Variants in MACF1 observed in about 807,000 individuals in gnomAD.
MACF1 encodes microtubule actin crosslinking factor 1, also known as microtubule-actin cross-linking factor 1.
In MACF1, 193 loss-of-function variants were observed where a neutral mutation model predicts 854.8. That is an observed-to-expected ratio of 0.23 (90% confidence interval 0.20 to 0.25). The LOEUF (loss-of-function observed/expected upper bound fraction) is 0.25. Among genes scored for constraint, MACF1 ranks in the 10% least tolerant of loss-of-function variants. The pLI is 1.00. For missense variants in MACF1, 7,722 were observed against 8,929.1 expected, an observed-to-expected ratio of 0.86 and a Z score of 5.45; for synonymous variants, 3,185 against 3,226.7, an observed-to-expected ratio of 0.99 and a Z score of 0.44.
At chr1:39,123,203 ATTT>A (rs10585991) in intron 2 of MACF1, among the ~76,000 whole-genome samples, 14 of 111,920 alleles carry the variant, frequency 1.3e-4, no homozygotes, top group African/African-American at 4.9e-4. Flanking sequence ...ATATATATAA[ATTT>A]TTTTTTTTTT....
chr1:39,333,955 G>A lies in MACF1; in HGVS notation c.7367G>A (p.Arg2456Lys). 6.2e-7 allele frequency: 1 copy of A among 1,614,170 alleles called. No individual in the cohort carries two copies. Among genetic ancestry groups the A allele is most frequent in the Non-Finnish European group, 8.5e-7 (1 of 1,180,030 alleles). ...GGTAGAGATGCTGAAAAAACAGTTAGGGAGAGATTAATTAGTTTACAAATG... is the reference window on the plus strand; with the variant it reads ...GGTAGAGATGCTGAAAAAACAGTTAAGGAGAGATTAATTAGTTTACAAATG... Reference protein sequence around the residue: ...SKGRDAEKTVRERLISLQMET... With the variant: ...SKGRDAEKTVKERLISLQMET... Residue 2456 changes from arginine to lysine, a missense_variant, in exon 37 of 101, where the codon AGG becomes AAG. Arg to Lys is a conservative substitution (Grantham distance 26). Transcript: ENST00000564288.
At chr1:39,405,557 G>T (rs375310080) in intron 58 of MACF1, among the ~76,000 whole-genome samples, 11 of 152,344 alleles carry the variant, frequency 7.2e-5, no homozygotes, top group Admixed American at 3.9e-4. Context: ...AACTTGGAAA[G>T]GGAGCTATGT....
upstream of MACF1, among the ~76,000 whole-genome samples, chr1:39,203,794 CA>C (rs576589778): frequency 1.2e-3 from 185 of 152,204 alleles, no homozygotes; most frequent in Admixed American, 2.6e-3. Flanking sequence ...TATTTTATTG[CA>C]GAATAGGTAG....
chr1:39,484,751 C>G (rs932565820), intron 100 of MACF1, 21 bp downstream of exon 100: 1 of 1,614,142 alleles, frequency 6.2e-7, no homozygotes, highest in Non-Finnish European at 8.5e-7. Flanking sequence ...GCCCCGTGAC[C>G]TACAAGCCAG....
At chr1:39,346,101 C>T (rs1463358638) in intron 40 of MACF1, among the ~76,000 whole-genome samples, 2 of 150,088 alleles carry the variant, frequency 1.3e-5, no homozygotes, top group African/African-American at 2.5e-5. Context: ...TGGTGGCTCA[C>T]GCCTGTAATC....
At position 39,380,282 on chromosome 1, in the gene MACF1, T is replaced by C; in HGVS notation, c.13557T>C (p.Ile4519=). 1 of 1,613,398 alleles carries C rather than the reference T, an allele frequency of 6.2e-7. No individual in the cohort carries two copies. The highest frequency in any genetic ancestry group is 8.5e-7 in the Non-Finnish European group (1 of 1,179,724). ...AGTTGGAACAGAATTCTCCAAAAATTCAAAAAGTAAAGGAAGCCCTGGCTG... is the reference window on the plus strand; with the variant it reads ...AGTTGGAACAGAATTCTCCAAAAATCCAAAAAGTAAAGGAAGCCCTGGCTG... ...LAELEQNSPK[I]QKVKEALAGL... is the part of the protein sequence containing the mutation. The change falls in exon 55 of 101, where the codon ATT becomes ATC. Residue 4519 remains isoleucine, a synonymous_variant. Coordinates refer to ENST00000564288, the MANE Select transcript of MACF1 (RefSeq NM_001394062.1).
intron 2 of MACF1, among the ~76,000 whole-genome samples, chr1:39,093,341 G>GTCTTGC (rs1161714950): frequency 4.1e-4 from 35 of 85,372 alleles, no homozygotes; most frequent in African/African-American, 1.5e-3. Context: ...TTGAGATGAT[G>GTCTTGC]TCTTGCTCTT....
intron 2 of MACF1, among the ~76,000 whole-genome samples, chr1:39,127,735 TG>T: frequency 6.6e-6 from 1 of 152,300 alleles, no homozygotes; most frequent in Non-Finnish European, 1.5e-5. Flanking sequence ...TGTGTTCCTT[TG>T]AGCTGTTATT....
chr1:39,380,258 G>A lies in MACF1; in HGVS notation c.13533G>A (p.Glu4511=), dbSNP rs762501114. Residue 4511 remains glutamate, a synonymous_variant, in exon 55 of 101, where the codon GAG becomes GAA. Transcript: ENST00000564288. ...CTTTCTCCTAGGCCTTCCTGGCTGA[G>A]TTGGAACAGAATTCTCCAAAAATTC... ...QAESNKAFLA[E]LEQNSPKIQK... 15 of 1,613,370 alleles carry A rather than the reference G, an allele frequency of 9.3e-6. No homozygotes were observed. Among genetic ancestry groups the A allele is most frequent in the Admixed American group, 1.7e-5 (1 of 59,904 alleles).
At chr1:39,477,066 TATATATATATATATATATATATATAC>T (rs1470558156) in intron 97 of MACF1, among the ~76,000 whole-genome samples, 6 of 17,106 alleles carry the variant, frequency 3.5e-4, no homozygotes, top group African/African-American at 1.3e-3. Context: ...TATATATATA[TATATATATATATATATATATATATAC>T]ACACACACAC....
At chr1:39,406,754 A>AC (rs1433205233) in intron 58 of MACF1, among the ~76,000 whole-genome samples, 3 of 150,908 alleles carry the variant, frequency 2.0e-5, no homozygotes, top group African/African-American at 7.4e-5. Flanking sequence ...AAAAAAAAAA[A>AC]AAAACATTCT....
At chr1:39,108,988 C>T (rs1018972328) in intron 2 of MACF1, among the ~76,000 whole-genome samples, 1 of 152,250 alleles carries the variant, frequency 6.6e-6, no homozygotes, top group South Asian at 2.1e-4. Context: ...CAGAAAATAA[C>T]TTATAAAACT....
intron 2 of MACF1, among the ~76,000 whole-genome samples, chr1:39,097,927 C>T (rs1206991765): frequency 6.6e-6 from 1 of 152,102 alleles, no homozygotes; most frequent in Non-Finnish European, 1.5e-5. Flanking sequence ...AGGTTTCTAC[C>T]TTGAGATGGT....
At chr1:39,451,287 A>G (rs1384387097) in intron 85 of MACF1, 76 bp downstream of exon 85, 4 of 1,394,604 alleles carry the variant, frequency 2.9e-6, no homozygotes, top group Non-Finnish European at 3.8e-6. Flanking sequence ...TCTACATATG[A>G]CTGCCTCTGC....
At position 39,359,268 on chromosome 1, in the gene MACF1, T is replaced by C; in HGVS notation, c.12244+4T>C. 6.2e-7 allele frequency: 1 copy of C among 1,614,094 alleles called. No individual in the cohort carries two copies. Among genetic ancestry groups the C allele is most frequent in the Non-Finnish European group, 8.5e-7 (1 of 1,179,998 alleles). The stretch of plus-strand genomic sequence containing the variant: ...AGGCATGTTCAAGAAACTACAGGTA[T>C]AAAGCAGCAACAGTATAATAGTACT... On this transcript the variant is annotated splice_donor_region_variant and intron_variant, in intron 47 of 100. Transcript: ENST00000564288.
intron 2 of MACF1, among the ~76,000 whole-genome samples, chr1:39,113,567 A>G (rs558937664): frequency 2.6e-5 from 4 of 152,198 alleles, no homozygotes; most frequent in Admixed American, 1.3e-4. Flanking sequence ...TGACTACTCA[A>G]ATCATCCCTG....
At chr1:39,319,892 A>C in intron 31 of MACF1, 145 bp downstream of exon 31, 1 of 583,846 alleles carries the variant, frequency 1.7e-6, no homozygotes, top group Non-Finnish European at 2.9e-6. Flanking sequence ...GCAGATGTGT[A>C]TTTCCTGCAA....
chr1:39,283,025 G>A lies in MACF1; in HGVS notation c.696-164G>A. 6.8e-6 allele frequency: 4 copies of A among 586,558 alleles called. No individual in the cohort carries two copies. The East Asian group carries it at 8.5e-5, about 12-fold the overall frequency. 36.3% of individuals were successfully genotyped at this position (586,558 alleles called of 1,614,324 possible). ...AGCATTAGGGAGCACTGGGCCCCTG[G>A]TGTATACTTAAAAATGGAATTTGTA... On this transcript the variant is annotated intron_variant, in intron 7 of 100. Coordinates refer to ENST00000564288, the MANE Select transcript of MACF1 (RefSeq NM_001394062.1). This position sits in a 1 kb window ranked among gnomAD's most constrained non-coding sequence, Gnocchi z 4.5.
At chr1:39,145,967 G>A (rs990683832) in intron 2 of MACF1, among the ~76,000 whole-genome samples, 1 of 152,154 alleles carries the variant, frequency 6.6e-6, no homozygotes, top group Non-Finnish European at 1.5e-5. Flanking sequence ...TATGGAGAAT[G>A]GTTTGGAGAA....
Sources: allele counts gnomAD v4.1 joint callset (sites outside exome capture counted in the v4.1 genomes callset), GRCh38; gene constraint gnomAD v4.1.1; non-coding constraint Gnocchi (gnomAD v3.1); transcripts MANE v1.5; gene names NCBI Gene and HGNC (gene_info 2026-07-23, HGNC 2026-07-21).